VPS54: variants seen among roughly 807,000 people sequenced by gnomAD.
VPS54 encodes the protein VPS54 subunit of GARP complex, also known as vacuolar protein sorting-associated protein 54.
In VPS54, 45 loss-of-function variants were observed where a neutral mutation model predicts 121.5. The observed-to-expected ratio is 0.37, with a 90% CI of 0.29 to 0.47. The LOEUF (loss-of-function observed/expected upper bound fraction) is 0.47. Among genes scored for constraint, VPS54 ranks in the 20% least tolerant of loss-of-function variants. The probability of loss-of-function intolerance (pLI) is 0.99; values close to 1 mark genes in which losing one functional copy is unlikely to be tolerated. For synonymous variants in VPS54, 371 were observed against 385.8 expected (o/e 0.96, Z 0.45); for missense variants, 1,090 against 1,131.4 (o/e 0.96, Z 0.52).
chr2:63,912,470 A>G, intron 19 of VPS54, 45 bp from the exon 20 acceptor site: 1 of 1,608,806 alleles, frequency 6.2e-7, no homozygotes, highest in Non-Finnish European at 8.5e-7. Flanking sequence ...CCTGGGACAC[A>G]TTTTTAAAAT....
chr2:63,959,934 C>A lies in VPS54; in HGVS notation c.1010+2124G>T, dbSNP rs148235960. Among the ~76,000 whole-genome samples the A allele has an allele frequency of 4.9e-3, 741 of 152,122 alleles. 9 individuals carry two copies. Among genetic ancestry groups the A allele is most frequent in the African/African-American group, 0.017 (687 of 41,512 alleles). On this transcript the variant is annotated intron_variant, in intron 7 of 22. Coordinates refer to ENST00000272322, the MANE Select transcript of VPS54 (RefSeq NM_016516.3). ...TACTCGGGAGCTGAGGCAGGAGAAT[C>A]GCTTGAACCCGGGAGGAGGAGGTTG...
At chr2:63,928,063 A>T (rs1267013724) in intron 12 of VPS54, among the ~76,000 whole-genome samples, 1 of 152,242 alleles carries the variant, frequency 6.6e-6, no homozygotes, top group Non-Finnish European at 1.5e-5. Flanking sequence ...TGATGGGAAG[A>T]GTGGAACCAA....
intron 20 of VPS54, among the ~76,000 whole-genome samples, chr2:63,911,905 C>G (rs774546029): frequency 6.6e-6 from 1 of 152,144 alleles, no homozygotes; most frequent in Non-Finnish European, 1.5e-5. Flanking sequence ...GATACTCTCC[C>G]AGTATAACTG....
intron 12 of VPS54, among the ~76,000 whole-genome samples, chr2:63,927,190 A>G (rs1293475715): frequency 1.3e-5 from 2 of 152,148 alleles, no homozygotes; most frequent in African/African-American, 4.8e-5. Context: ...CTGATAACGG[A>G]CAGACTGCCT....
chr2:63,981,248 T>G (rs1458145348), intron 3 of VPS54, among the ~76,000 whole-genome samples: 1 of 152,156 alleles, frequency 6.6e-6, no homozygotes. Flanking sequence ...TCTGGAGATA[T>G]TATAACTATC....
intron 1 of VPS54, among the ~76,000 whole-genome samples, chr2:64,018,452 C>G (rs1454111530): frequency 1.3e-5 from 2 of 152,150 alleles, no homozygotes; most frequent in African/African-American, 4.8e-5. Context: ...AATTATTGCA[C>G]AAATTATTTC....
intron 3 of VPS54, among the ~76,000 whole-genome samples, chr2:63,973,808 G>C (rs576988997): frequency 5.3e-5 from 8 of 152,132 alleles, no homozygotes; most frequent in African/African-American, 1.9e-4. Flanking sequence ...ACCTCCCAAA[G>C]TGCTGGGATT....
chr2:63,951,826 G>A (rs1488012628), intron 7 of VPS54, among the ~76,000 whole-genome samples: 1 of 151,874 alleles, frequency 6.6e-6, no homozygotes, highest in Non-Finnish European at 1.5e-5. Flanking sequence ...GTGTATAAAT[G>A]GACCCACAAG....
At chr2:64,011,903 A>G (rs1223870959) in intron 1 of VPS54, among the ~76,000 whole-genome samples, 1 of 152,260 alleles carries the variant, frequency 6.6e-6, no homozygotes, top group African/African-American at 2.4e-5. Flanking sequence ...GATGCTTTCA[A>G]GGAATTTTCA....
At chr2:63,902,925 G>A (rs1672744115) in intron 20 of VPS54, among the ~76,000 whole-genome samples, 1 of 152,112 alleles carries the variant, frequency 6.6e-6, no homozygotes. Context: ...CTGAGATCAT[G>A]CAACTGTGCT....
chr2:63,983,455 T>G (rs1676891998), intron 2 of VPS54, among the ~76,000 whole-genome samples: 2 of 141,324 alleles, frequency 1.4e-5, no homozygotes, highest in Non-Finnish European at 3.1e-5. Flanking sequence ...TTTTTTTTTT[T>G]TTTTTTTGAG....
intron 1 of VPS54, among the ~76,000 whole-genome samples, chr2:64,006,557 T>C (rs562133419): frequency 1.3e-5 from 2 of 152,350 alleles, no homozygotes; most frequent in East Asian, 1.9e-4. Context: ...AAATAACTTA[T>C]GTGAGTTCAT....
chr2:63,969,699 C>T (rs1359101415), intron 4 of VPS54, among the ~76,000 whole-genome samples: 4 of 152,110 alleles, frequency 2.6e-5, no homozygotes, highest in African/African-American at 4.8e-5. Flanking sequence ...ACTATCTCCC[C>T]GCAAACCCCT....
Position 63,974,862 on chromosome 2 carries a change from T to C in VPS54, c.379-2618A>G, listed in dbSNP as rs1676451397. 17 of 1,083,384 alleles carry C rather than the reference T, an allele frequency of 1.6e-5. No individual in the cohort carries two copies. The Middle Eastern group carries it at 9.4e-4, about 60-fold the overall frequency. 67.1% of individuals were successfully genotyped at this position (1,083,384 alleles called of 1,614,324 possible). A position where few individuals can be genotyped will look rare whatever the true frequency, so the allele number is the denominator to read the frequency against. On this transcript the variant is annotated intron_variant, in intron 3 of 22. Coordinates refer to ENST00000272322, the MANE Select transcript of VPS54 (RefSeq NM_016516.3). The stretch of plus-strand genomic sequence containing the variant: ...TCTTTGGGATTTTCCACATAGACGA[T>C]CATTTCATCTGGAAACAGTTTTACT...
At chr2:63,982,177 A>G (rs192388327) in intron 2 of VPS54, among the ~76,000 whole-genome samples, 1 of 151,120 alleles carries the variant, frequency 6.6e-6, no homozygotes, top group African/African-American at 2.4e-5. Flanking sequence ...TCCTTTCCTT[A>G]ATGTACAATT....
intron 1 of VPS54, among the ~76,000 whole-genome samples, chr2:63,989,387 G>A (rs763899012): frequency 6.6e-6 from 1 of 152,186 alleles, no homozygotes; most frequent in Non-Finnish European, 1.5e-5. Context: ...TCGGCTCAGG[G>A]GGCATCATGG....
chr2:63,898,198 C>A (rs904436235), intron 21 of VPS54, among the ~76,000 whole-genome samples: 2 of 151,998 alleles, frequency 1.3e-5, no homozygotes, highest in African/African-American at 2.4e-5. Context: ...TAAATTACGC[C>A]ACAGATAAAA....
chr2:63,995,536 C>G (rs921060830), intron 1 of VPS54, among the ~76,000 whole-genome samples: 1 of 152,236 alleles, frequency 6.6e-6, no homozygotes, highest in African/African-American at 2.4e-5. Context: ...GCAATGGCCA[C>G]CACTGCCGGA....
intron 12 of VPS54, among the ~76,000 whole-genome samples, chr2:63,928,112 T>G (rs1410118143): frequency 6.6e-6 from 1 of 152,136 alleles, no homozygotes; most frequent in Non-Finnish European, 1.5e-5. Context: ...CAGCAGAACT[T>G]CCCCAACCTA....
Sources: allele counts gnomAD v4.1 joint callset (sites outside exome capture counted in the v4.1 genomes callset), GRCh38; gene constraint gnomAD v4.1.1; transcripts MANE v1.5; gene names NCBI Gene and HGNC (gene_info 2026-07-23, HGNC 2026-07-21).